COG3: variants seen among roughly 807,000 people sequenced by gnomAD.
COG3 encodes conserved oligomeric Golgi complex subunit 3.
A neutral mutation model predicts 114.1 loss-of-function variants in COG3; 32 were observed. The observed-to-expected ratio is 0.28, with a 90% confidence interval of 0.21 to 0.38. COG3 has a LOEUF of 0.38. COG3 is among the 10% of genes least tolerant of loss of function. The pLI, the probability that COG3 is intolerant of heterozygous loss-of-function variation, is 1.00. For synonymous variants in COG3, 352 were observed against 365.7 expected, an observed-to-expected ratio of 0.96 and a Z score of 0.43; for missense variants, 813 against 973.2, an observed-to-expected ratio of 0.84 and a Z score of 2.19.
chr13:45,533,622 C>T (rs1427617098), intron 22 of COG3, among the ~76,000 whole-genome samples: 1 of 152,214 alleles, frequency 6.6e-6, no homozygotes, highest in Non-Finnish European at 1.5e-5. Flanking sequence ...AGTTCATACA[C>T]ACATTTCATC....
chr13:45,496,121 A>G (rs749729642), intron 12 of COG3, 31 bp from the exon 13 acceptor site: 9 of 1,586,262 alleles, frequency 5.7e-6, no homozygotes, highest in East Asian at 4.6e-5. Context: ...TTCTAAATCT[A>G]AAAGAATGGA....
At chr13:45,465,380 C>A (rs1885072113) in intron 1 of COG3, 170 bp downstream of exon 1, 1 of 1,166,650 alleles carries the variant, frequency 8.6e-7, no homozygotes, top group Non-Finnish European at 1.2e-6. Flanking sequence ...TGTCAGGCTT[C>A]GCTCTGCCTG....
chr13:45,527,036 A>G (rs1048559871), intron 20 of COG3, among the ~76,000 whole-genome samples: 32 of 152,214 alleles, frequency 2.1e-4, no homozygotes, highest in African/African-American at 7.2e-4. Context: ...CTTGGGTATG[A>G]TAAATCTTTC....
intron 19 of COG3, among the ~76,000 whole-genome samples, chr13:45,522,102 G>A (rs1872223766): frequency 6.6e-6 from 1 of 152,138 alleles, no homozygotes; most frequent in Non-Finnish European, 1.5e-5. Flanking sequence ...ACTGTGCCTG[G>A]CCTTAGTTAG....
intron 15 of COG3, among the ~76,000 whole-genome samples, chr13:45,511,345 G>GAAGAGCCATGT (rs1870841334): frequency 2.0e-5 from 3 of 152,264 alleles, no homozygotes; most frequent in Admixed American, 2.0e-4. Context: ...CCATGTACAT[G>GAAGAGCCATGT]ATTTCCTAAA....
intron 13 of COG3, among the ~76,000 whole-genome samples, chr13:45,502,551 A>G (rs1392573414): frequency 6.6e-6 from 1 of 152,066 alleles, no homozygotes; most frequent in Non-Finnish European, 1.5e-5. Flanking sequence ...GTACTTTCCA[A>G]TTTCTGCACG....
Position 45,464,988 on chromosome 13 carries a change from C to T in COG3, c.-49C>T, listed in dbSNP as rs557353471. 7.2e-6 allele frequency: 11 copies of T among 1,532,442 alleles called. 1 individual carries two copies. The South Asian group carries it at 1.3e-4, about 19-fold the overall frequency. The allele number at this position is 1,532,442 out of a possible 1,614,324, so 94.9% of individuals were successfully genotyped here. On this transcript the variant is annotated 5_prime_UTR_variant, in exon 1 of 23. Transcript: ENST00000349995. The stretch of plus-strand genomic sequence containing the variant: ...CCGGAAGTGGCCCAGGTCTCTCTGT[C>T]GGGGTCCCCTCCATCTCGCTGCTGC...
intron 1 of COG3, among the ~76,000 whole-genome samples, chr13:45,473,288 G>A (rs1885642395): frequency 6.6e-6 from 1 of 152,022 alleles, no homozygotes; most frequent in Admixed American, 6.6e-5. Flanking sequence ...TATCTACTTG[G>A]TTACTCTGCA....
intron 11 of COG3, 54 bp downstream of exon 11, chr13:45,492,304 C>G (rs1384289109): frequency 2.1e-6 from 2 of 962,678 alleles, no homozygotes; most frequent in Non-Finnish European, 3.3e-6. Flanking sequence ...TGCTAATGAC[C>G]ATAATGAATC....
At chr13:45,512,608 C>T (rs978260415) in intron 16 of COG3, among the ~76,000 whole-genome samples, 15 of 151,430 alleles carry the variant, frequency 9.9e-5, no homozygotes, top group Non-Finnish European at 7.4e-5. Flanking sequence ...GCTGGAATTA[C>T]AGGTGTGAGC....
intron 8 of COG3, among the ~76,000 whole-genome samples, chr13:45,489,484 A>C (rs1886892998): frequency 6.6e-6 from 1 of 152,098 alleles, no homozygotes. Context: ...TTGATTAGAA[A>C]AGAAAAGGTA....
chr13:45,498,229 G>A (rs964427794), intron 13 of COG3, among the ~76,000 whole-genome samples: 1 of 151,742 alleles, frequency 6.6e-6, no homozygotes, highest in East Asian at 1.9e-4. Flanking sequence ...TCTTATTCTC[G>A]TAAGAATAAA....
At position 45,476,256 on chromosome 13, in the gene COG3, C is replaced by T; in HGVS notation, c.230C>T (p.Thr77Ile). ...LTSQSLPIEL[T>I]SVVPESTEDI... ...TCCCAGTCACTGCCCATTGAACTGA[C>T]TTCAGTAGTGCCTGAATCTACAGAA... is the stretch of plus-strand genomic sequence containing the variant. The change falls in exon 2 of 23, where the codon ACT (threonine) becomes ATT (isoleucine). Residue 77 changes from threonine (T) to isoleucine (I), a missense_variant. Physicochemically the swap from Thr to Ile is moderately conservative, Grantham distance 89. Around this residue, in one of 2 missense-constraint regions of COG3, gnomAD observed 424 missense variants for 430.6 expected, o/e 0.98. Coordinates refer to ENST00000349995, the MANE Select transcript of COG3 (RefSeq NM_031431.4). 1.9e-6 allele frequency: 3 copies of T among 1,613,662 alleles called. No homozygotes were observed. Among genetic ancestry groups the T allele is most frequent in the Non-Finnish European group, 2.5e-6 (3 of 1,179,656 alleles).
chr13:45,533,996 C>T (rs1267337118), intron 22 of COG3, among the ~76,000 whole-genome samples: 1 of 152,214 alleles, frequency 6.6e-6, no homozygotes, highest in Non-Finnish European at 1.5e-5. Context: ...CCACAAGGTT[C>T]CAGGGCCTGG....
chr13:45,508,405 C>T (rs2985965), intron 14 of COG3, among the ~76,000 whole-genome samples: 9,381 of 100,220 alleles, frequency 0.094, 467 homozygotes, highest in African/African-American at 0.23. Flanking sequence ...TATATATATA[C>T]ACACACACAC....
intron 13 of COG3, 110 bp downstream of exon 13, chr13:45,496,422 G>A: frequency 1.1e-6 from 1 of 878,508 alleles, no homozygotes; most frequent in South Asian, 4.7e-5. Context: ...GTTTCCCCTT[G>A]TTGCCCAGGC....
At chr13:45,525,578 T>A (rs1013510271) in intron 20 of COG3, among the ~76,000 whole-genome samples, 1 of 96,490 alleles carries the variant, frequency 1.0e-5, no homozygotes, top group Non-Finnish European at 2.6e-5. Flanking sequence ...GTATTTGAGA[T>A]GTTCCCAGTC....
intron 20 of COG3, 35 bp from the exon 21 acceptor site, chr13:45,529,756 T>C (rs1389945036): frequency 6.5e-7 from 1 of 1,527,262 alleles, no homozygotes; most frequent in Non-Finnish European, 8.9e-7. Flanking sequence ...CTTTTCTTTT[T>C]CTTTATGACA....
rs958342295 is a variant in COG3, at chr13:45,465,106, C to G, written c.70C>G (p.Leu24Val). The G allele has an allele frequency of 1.1e-5, 18 of 1,612,532 alleles. No homozygotes were observed. Among genetic ancestry groups the G allele is most frequent in the Admixed American group, 1.7e-5 (1 of 59,908 alleles). ...AERDAREKLA[L>V]WDRRPDTTAP... ...GCGGGACGCTAGGGAAAAGCTGGCT[C>G]TCTGGGATCGGAGACCGGACACGAC... Residue 24 changes from leucine to valine, a missense_variant, in exon 1 of 23, where the codon CTC (leucine) becomes GTC (valine). Around this residue, in one of 2 missense-constraint regions of COG3, gnomAD observed 424 missense variants for 430.6 expected, o/e 0.98. Transcript: ENST00000349995.
Sources: gnomAD v4.1 joint callset for allele counts (sites outside exome capture counted in the v4.1 genomes callset) on GRCh38, gnomAD v4.1.1 for gene constraint, gnomAD v4.1.1 regional missense constraint, MANE v1.5 for transcripts, NCBI Gene and HGNC (gene_info 2026-07-23, HGNC 2026-07-21) for gene names.